MLXIP: variants seen among roughly 807,000 people sequenced by gnomAD.
MLXIP encodes the protein MLX interacting protein.
A neutral mutation model predicts 87.2 loss-of-function variants in MLXIP; 30 were observed. The ratio of observed to expected loss-of-function variants is 0.34; its 90% CI spans 0.26 to 0.47. The LOEUF (loss-of-function observed/expected upper bound fraction) is 0.47, where lower values mean the gene tolerates loss of function less well. Ranked by LOEUF, MLXIP falls within the 20% of genes least tolerant of loss-of-function variation. The pLI is 1.00. For synonymous variants in MLXIP, 530 were observed against 514.0 expected (o/e 1.03, Z -0.42); for missense variants, 1,002 against 1,240.1 (o/e 0.81, Z 2.88).
At chr12:122,140,029 G>C (rs1953169514) in intron 15 of MLXIP, among the ~76,000 whole-genome samples, 1 of 152,174 alleles carries the variant, frequency 6.6e-6, no homozygotes, top group Non-Finnish European at 1.5e-5. Flanking sequence ...ATTCCTCTGT[G>C]TTGCTGTTTT....
At chr12:122,104,038 C>T (rs1193976643) in intron 1 of MLXIP, among the ~76,000 whole-genome samples, 2 of 152,082 alleles carry the variant, frequency 1.3e-5, no homozygotes, top group South Asian at 4.1e-4. Context: ...AAAGCTGTTA[C>T]AGAAAGCATG....
intron 13 of MLXIP, 47 bp downstream of exon 13, chr12:122,138,342 G>A (rs1224453432): frequency 6.2e-7 from 1 of 1,611,580 alleles, no homozygotes; most frequent in African/African-American, 1.3e-5. Context: ...GGAGCTGGCA[G>A]GACGTGCTCC....
At position 122,132,300 on chromosome 12, in the gene MLXIP, T is replaced by G; in HGVS notation, c.1009T>G (p.Ser337Ala). The change falls in exon 8 of 17, where the codon TCT becomes GCT. Residue 337 changes from serine (S) to alanine (A), a missense_variant. Around this residue, in one of 3 missense-constraint regions of MLXIP, gnomAD observed 746 missense variants for 897.0 expected, o/e 0.83. Coordinates refer to ENST00000319080, the MANE Select transcript of MLXIP (RefSeq NM_014938.6). ...CTGCTGTTGTTTTTCAGACCTCTTC[T>G]CTTCTAGCCGCTCCATTTTTGGCTC... ...DTFEPFQDLF[S>A]SSRSIFGSML... 1.9e-6 allele frequency: 3 copies of G among 1,611,602 alleles called. No individual in the cohort carries two copies. The highest frequency in any genetic ancestry group is 1.7e-6 in the Non-Finnish European group (2 of 1,178,904).
At chr12:122,141,558 T>C (rs1953204325) in intron 16 of MLXIP, 133 bp from the exon 17 acceptor site, 1 of 1,401,072 alleles carries the variant, frequency 7.1e-7, no homozygotes, top group Non-Finnish European at 9.4e-7. Flanking sequence ...CTGGCACTCC[T>C]CCCTGCAGTC....
chr12:122,094,248 GGT>G (rs1395701123), intron 1 of MLXIP, among the ~76,000 whole-genome samples: 1 of 37,900 alleles, frequency 2.6e-5, no homozygotes, highest in African/African-American at 7.0e-5. Flanking sequence ...GTGTGGTATT[GGT>G]GTGTGTGTTG....
chr12:122,140,220 A>G (rs1346457317), intron 15 of MLXIP, among the ~76,000 whole-genome samples: 1 of 152,230 alleles, frequency 6.6e-6, no homozygotes, highest in Non-Finnish European at 1.5e-5. Flanking sequence ...AAGATGGTCT[A>G]GGAGACTGGC....
chr12:122,110,363 C>T (rs1176442950), intron 1 of MLXIP, among the ~76,000 whole-genome samples: 1 of 152,070 alleles, frequency 6.6e-6, no homozygotes, highest in African/African-American at 2.4e-5. Context: ...TCTTGGGTCA[C>T]TGCAACCTCC....
At chr12:122,080,993 G>A (rs1027042431) in intron 1 of MLXIP, among the ~76,000 whole-genome samples, 2 of 151,902 alleles carry the variant, frequency 1.3e-5, no homozygotes, top group Non-Finnish European at 2.9e-5. Context: ...AGTAAGCTCT[G>A]CTAAATGAAA....
chr12:122,145,915 C>G lies in MLXIP; in HGVS notation c.*4103C>G, dbSNP rs560716401. ...CGTTCGCCCTCAGCTGTCCCTTTCC[C>G]TTGTCGCCTGGCCGCTGCCTCGCCC... On this transcript the variant is annotated 3_prime_UTR_variant, in exon 17 of 17. Transcript: ENST00000319080. 1.3e-5 allele frequency: 2 copies of G among 152,488 alleles called. No individual in the cohort carries two copies. Among genetic ancestry groups the G allele is most frequent in the East Asian group, 3.8e-4 (2 of 5,196 alleles). The allele number at this position is 152,488 out of a possible 1,614,324, so 9.4% of individuals were successfully genotyped here. A position where few individuals can be genotyped will look rare whatever the true frequency, so the allele number is the denominator to read the frequency against.
At chr12:122,128,244 C>G in intron 3 of MLXIP, 1 of 384,888 alleles carries the variant, frequency 2.6e-6, no homozygotes, top group Non-Finnish European at 4.9e-6. Flanking sequence ...TGTGATTATA[C>G]ATGCACAGGA....
intron 1 of MLXIP, among the ~76,000 whole-genome samples, chr12:122,080,035 C>T (rs1290658089): frequency 6.6e-6 from 1 of 152,234 alleles, no homozygotes; most frequent in Non-Finnish European, 1.5e-5. Flanking sequence ...AGACACCGTT[C>T]TGACATGTGG....
chr12:122,089,009 C>CAAA (rs1177216284), intron 1 of MLXIP, among the ~76,000 whole-genome samples: 60 of 46,716 alleles, frequency 1.3e-3, no homozygotes, highest in Admixed American at 1.5e-3. Flanking sequence ...CCCATCTCTA[C>CAAA]AAAAAAAAAA....
intron 1 of MLXIP, among the ~76,000 whole-genome samples, chr12:122,092,316 C>A (rs923773511): frequency 6.6e-6 from 1 of 152,122 alleles, no homozygotes; most frequent in African/African-American, 2.4e-5. Flanking sequence ...TCAGGTTGGT[C>A]TTGAACTCCC....
intron 1 of MLXIP, among the ~76,000 whole-genome samples, chr12:122,084,384 TGGAAGGGGAGGAAGGAGA>T (rs1328110416): frequency 6.6e-6 from 1 of 152,044 alleles, no homozygotes; most frequent in Non-Finnish European, 1.5e-5. Flanking sequence ...GCCCACATGC[TGGAAGGGGAGGAAGGAGA>T]GGAAGGGGAG....
chr12:122,085,092 C>T (rs1952146757), intron 1 of MLXIP, among the ~76,000 whole-genome samples: 1 of 152,066 alleles, frequency 6.6e-6, no homozygotes, highest in African/African-American at 2.4e-5. Flanking sequence ...GCCAGTTCCT[C>T]TCCAGAGCGG....
At position 122,133,199 on chromosome 12, in the gene MLXIP, A is replaced by T. The variant is rs1953010919; in HGVS notation, c.1093-149A>T. On this transcript the variant is annotated intron_variant, in intron 8 of 16. Transcript: ENST00000319080. The surrounding 1 kb of genome is among the most constrained non-coding windows in gnomAD (Gnocchi z 4.9). ...GACACGCAGGGAAACACAAATCCCT[A>T]TCAGATCAGCAGCCATGGACGTGGA... is the stretch of plus-strand genomic sequence containing the variant. 1.2e-6 allele frequency: 1 copy of T among 816,702 alleles called. No individual in the cohort carries two copies. The highest frequency in any genetic ancestry group is 1.7e-5 in the African/African-American group (1 of 57,954). 50.6% of individuals were successfully genotyped at this position (816,702 alleles called of 1,614,324 possible).
At chr12:122,109,294 C>T (rs1315628105) in intron 1 of MLXIP, among the ~76,000 whole-genome samples, 1 of 152,232 alleles carries the variant, frequency 6.6e-6, no homozygotes, top group Non-Finnish European at 1.5e-5. Flanking sequence ...GTCTTGAACT[C>T]CTGACCTGAA....
intron 7 of MLXIP, among the ~76,000 whole-genome samples, chr12:122,131,798 G>A (rs1161495145): frequency 4.0e-5 from 6 of 151,772 alleles, no homozygotes; most frequent in East Asian, 1.9e-4. Context: ...GCAAGAACAC[G>A]GCTCACTGCA....
intron 1 of MLXIP, among the ~76,000 whole-genome samples, chr12:122,088,636 G>A (rs762768248): frequency 5.3e-5 from 8 of 152,176 alleles, no homozygotes; most frequent in Non-Finnish European, 1.0e-4. Context: ...GCAGTTTTCA[G>A]GCTTTGGAGA....
Sources: allele counts gnomAD v4.1 joint callset (sites outside exome capture counted in the v4.1 genomes callset), GRCh38; gene constraint gnomAD v4.1.1; regional missense constraint gnomAD v4.1.1; non-coding constraint Gnocchi (gnomAD v3.1); transcripts MANE v1.5; gene names NCBI Gene and HGNC (gene_info 2026-07-23, HGNC 2026-07-21).